Variants in GMDS observed in about 807,000 individuals in gnomAD.
GMDS encodes GDP-mannose 4,6 dehydratase.
Under a neutral mutation model 49.9 loss-of-function variants are expected in GMDS, and 20 were observed. That is an observed-to-expected ratio of 0.40 (90% confidence interval 0.28 to 0.58). The LOEUF (loss-of-function observed/expected upper bound fraction) is 0.58, where lower values mean the gene tolerates loss of function less well. GMDS is among the 20% of genes least tolerant of loss of function. The pLI, the probability that GMDS is intolerant of heterozygous loss-of-function variation, is 0.42. For missense variants in GMDS, 362 were observed against 481.4 expected (o/e 0.75, Z 2.32); for synonymous variants, 177 against 178.6 (o/e 0.99, Z 0.07).
chr6:1,975,078 C>T (rs1412476646), intron 4 of GMDS, among the ~76,000 whole-genome samples: 1 of 151,766 alleles, frequency 6.6e-6, no homozygotes, highest in African/African-American at 2.4e-5. Context: ...AATGGTCACA[C>T]TGCAGATGAA....
At chr6:1,824,175 A>G (rs1771009142) in intron 7 of GMDS, among the ~76,000 whole-genome samples, 2 of 152,082 alleles carry the variant, frequency 1.3e-5, no homozygotes, top group Non-Finnish European at 1.5e-5. Context: ...GGACCCTTGA[A>G]GTATACTATG....
At chr6:2,210,273 T>C (rs939521793) in intron 1 of GMDS, among the ~76,000 whole-genome samples, 2 of 152,320 alleles carry the variant, frequency 1.3e-5, no homozygotes, top group South Asian at 4.1e-4. Context: ...CCTCAGTTTC[T>C]GCACCTACCT....
intron 4 of GMDS, among the ~76,000 whole-genome samples, chr6:2,086,822 C>T (rs1213311204): frequency 2.0e-5 from 3 of 152,192 alleles, no homozygotes; most frequent in East Asian, 1.9e-4. Context: ...ATGTTCAGGC[C>T]GACTATAATA....
chr6:2,035,575 G>A (rs891341092), intron 4 of GMDS, among the ~76,000 whole-genome samples: 1 of 152,044 alleles, frequency 6.6e-6, no homozygotes, highest in Non-Finnish European at 1.5e-5. Flanking sequence ...CTAAATAAAA[G>A]CTCAAATTTG....
intron 9 of GMDS, among the ~76,000 whole-genome samples, chr6:1,651,820 A>G (rs774989102): frequency 6.6e-6 from 1 of 152,220 alleles, no homozygotes; most frequent in African/African-American, 2.4e-5. Context: ...CTGGCACTCG[A>G]TAAACAACAA....
intron 4 of GMDS, among the ~76,000 whole-genome samples, chr6:1,972,151 C>G (rs1319932408): frequency 1.3e-5 from 2 of 152,160 alleles, no homozygotes; most frequent in East Asian, 3.9e-4. Flanking sequence ...TTCCTGAAAG[C>G]CTTTCATTCT....
chr6:1,794,316 C>G (rs895916398), intron 7 of GMDS, among the ~76,000 whole-genome samples: 1 of 148,484 alleles, frequency 6.7e-6, no homozygotes, highest in East Asian at 2.0e-4. Context: ...TTCACTGAGG[C>G]AAAAAAAAAA....
At chr6:2,160,043 C>A (rs1777315540) in intron 1 of GMDS, among the ~76,000 whole-genome samples, 1 of 151,926 alleles carries the variant, frequency 6.6e-6, no homozygotes. Flanking sequence ...CTGAAAAAAT[C>A]ATTCAATCTT....
In GMDS at chr6:1,725,006, G is replaced by A. The variant is rs114955594; in HGVS notation, c.987+1410C>T. 4.8e-3 allele frequency among the ~76,000 whole-genome samples: 726 copies of A among 152,292 alleles called. 4 individuals are homozygous for A. The highest frequency in any genetic ancestry group is 0.016 in the African/African-American group (680 of 41,554). ...AGTTTTTTCCTTCTGTCTGAAACAA[G>A]ACATTTTAAAGAGTGGTAAATGATG... On this transcript the variant is annotated intron_variant, in intron 9 of 10. Coordinates refer to ENST00000380815, the MANE Select transcript of GMDS (RefSeq NM_001500.4).
rs931855958 is a variant in GMDS, at chr6:1,726,455, G to C, written c.948C>G (p.His316Gln). 6.2e-7 allele frequency: 1 copy of C among 1,613,654 alleles called. No homozygotes were observed. Among genetic ancestry groups the C allele is most frequent in the Non-Finnish European group, 8.5e-7 (1 of 1,179,508 alleles). Residue 316 changes from histidine to glutamine, a missense_variant, in exon 9 of 11, where the codon CAC becomes CAG. Transcript: ENST00000380815. ...GGTAGTACTTGAGATCCACAGTCAC[G>C]TGAACTTTGCCGGTCTCTTTACATC... The part of the protein sequence containing the change: ...VGRCKETGKV[H>Q]VTVDLKYYRP...
rs527276425 is a variant in GMDS at position 2,189,167 on chromosome 6, G to C, written c.102+56154C>G. Among the ~76,000 whole-genome samples the C allele has an allele frequency of 3.3e-5, 5 of 152,278 alleles. No individual in the cohort carries two copies. In the South Asian group the frequency reaches 6.2e-4, roughly 19 times the overall value. On this transcript the variant is annotated intron_variant, in intron 1 of 10. Transcript: ENST00000380815. ...ACAAGGATAGATAAGAAAAATGAAA[G>C]AGACAGAACACACGGTGACTGGTCT...
chr6:2,215,938 T>C (rs1780314223), intron 1 of GMDS, among the ~76,000 whole-genome samples: 1 of 152,114 alleles, frequency 6.6e-6, no homozygotes, highest in Admixed American at 6.5e-5. Context: ...ACAGCTGAAA[T>C]CATATACAGT....
intron 1 of GMDS, among the ~76,000 whole-genome samples, chr6:2,137,382 G>A (rs1397169252): frequency 6.8e-6 from 1 of 147,190 alleles, no homozygotes; most frequent in East Asian, 2.0e-4. Flanking sequence ...TGCCCAGGCT[G>A]GAGTGCAATG....
intron 1 of GMDS, among the ~76,000 whole-genome samples, chr6:2,188,205 C>T (rs921119797): frequency 2.6e-4 from 40 of 152,190 alleles, no homozygotes; most frequent in Non-Finnish European, 4.9e-4. Flanking sequence ...AGTACAAATC[C>T]GGTTATTTTA....
chr6:1,792,785 C>T (rs931600917), intron 7 of GMDS, among the ~76,000 whole-genome samples: 11 of 152,248 alleles, frequency 7.2e-5, no homozygotes, highest in African/African-American at 2.6e-4. Flanking sequence ...GCCAAATTTA[C>T]TCCTGATCAT....
At chr6:2,093,168 G>A (rs1773415603) in intron 4 of GMDS, among the ~76,000 whole-genome samples, 1 of 152,128 alleles carries the variant, frequency 6.6e-6, no homozygotes, top group African/African-American at 2.4e-5. Context: ...TGTGAATTAA[G>A]TCCAAACATA....
chr6:1,726,131 A>G (rs1334421149), intron 9 of GMDS, among the ~76,000 whole-genome samples: 1 of 152,240 alleles, frequency 6.6e-6, no homozygotes, highest in African/African-American at 2.4e-5. Context: ...AGAATAGGAG[A>G]CCAACATGAG....
intron 4 of GMDS, among the ~76,000 whole-genome samples, chr6:1,993,473 G>A (rs945639755): frequency 1.3e-5 from 2 of 152,186 alleles, no homozygotes; most frequent in Non-Finnish European, 2.9e-5. Flanking sequence ...GGGCCTGGCA[G>A]CTGCTAGATG....
At chr6:1,816,031 AG>A (rs1378211737) in intron 7 of GMDS, among the ~76,000 whole-genome samples, 1 of 152,246 alleles carries the variant, frequency 6.6e-6, no homozygotes, top group African/African-American at 2.4e-5. Flanking sequence ...GCTCTCTGCA[AG>A]GGGAAGTAAA....
Sources: allele counts gnomAD v4.1 joint callset (sites outside exome capture counted in the v4.1 genomes callset), GRCh38; gene constraint gnomAD v4.1.1; transcripts MANE v1.5; gene names NCBI Gene and HGNC (gene_info 2026-07-23, HGNC 2026-07-21).